The following C6orf89 variants were observed in gnomAD, a reference collection of about 807,000 sequenced individuals.
C6orf89 encodes chromosome 6 open reading frame 89, also known as bombesin receptor-activated protein C6orf89.
In C6orf89, 29 loss-of-function variants were observed where a neutral mutation model predicts 40.7. That is an observed-to-expected ratio of 0.71 (90% CI 0.53 to 0.97). C6orf89 has a LOEUF of 0.97. C6orf89 is among the 50% of genes least tolerant of loss of function. C6orf89 has a pLI of 0.00. For missense variants in C6orf89, 392 were observed against 429.1 expected (o/e 0.91, Z 0.76); for synonymous variants, 165 against 152.2 (o/e 1.08, Z -0.62).
At chr6:36,903,816 C>T (rs1178549985) in intron 4 of C6orf89, among the ~76,000 whole-genome samples, 7 of 152,104 alleles carry the variant, frequency 4.6e-5, no homozygotes, top group Admixed American at 3.9e-4. Flanking sequence ...AGGAAGGGAA[C>T]ATTGTAAGAC....
At chr6:36,913,474 T>A (rs1345771266) in intron 4 of C6orf89, among the ~76,000 whole-genome samples, 1 of 152,210 alleles carries the variant, frequency 6.6e-6, no homozygotes, top group African/African-American at 2.4e-5. Flanking sequence ...CTGGCTCCCA[T>A]GTGTACTTGT....
At chr6:36,893,492 A>G (rs1761301061) in intron 1 of C6orf89, among the ~76,000 whole-genome samples, 1 of 152,208 alleles carries the variant, frequency 6.6e-6, no homozygotes. Context: ...AATGTGTCAT[A>G]ATCTCTCGGA....
chr6:36,902,108 A>C lies in C6orf89; in HGVS notation c.190-113A>C, dbSNP rs1052355941. The C allele has an allele frequency of 1.8e-5, 15 of 824,368 alleles. No individual in the cohort carries two copies. The African/African-American group carries it at 2.1e-4, about 11-fold the overall frequency. 51.1% of individuals were successfully genotyped at this position (824,368 alleles called of 1,614,324 possible). A position where few individuals can be genotyped will look rare whatever the true frequency, so the allele number is the denominator to read the frequency against. On this transcript the variant is annotated intron_variant, in intron 3 of 8. Transcript: ENST00000480824. ...AGTGGCTTGTTTATGAAAATGGATT[A>C]GTTCTTAAGGCACATTGGAAGTAGC...
chr6:36,911,466 G>T (rs1227709727), intron 4 of C6orf89, among the ~76,000 whole-genome samples: 1 of 151,944 alleles, frequency 6.6e-6, no homozygotes, highest in Non-Finnish European at 1.5e-5. Context: ...CTCCAGCCTG[G>T]GCGACAGAGC....
At chr6:36,920,046 A>C (rs1762461274) in intron 8 of C6orf89, among the ~76,000 whole-genome samples, 1 of 152,214 alleles carries the variant, frequency 6.6e-6, no homozygotes. Flanking sequence ...CCAAGGCCCC[A>C]CTGTCAGTCG....
intron 1 of C6orf89, among the ~76,000 whole-genome samples, chr6:36,889,274 C>G (rs1335992628): frequency 6.6e-6 from 1 of 152,090 alleles, no homozygotes; most frequent in Admixed American, 6.5e-5. Flanking sequence ...GTTTAGAAAG[C>G]CATTTGTGGC....
chr6:36,895,533 T>C (rs935471781), intron 2 of C6orf89, among the ~76,000 whole-genome samples: 1 of 152,194 alleles, frequency 6.6e-6, no homozygotes, highest in Non-Finnish European at 1.5e-5. Flanking sequence ...GCAGGTTTGT[T>C]AAAAAGGTAT....
At chr6:36,901,324 T>TTATTACTA (rs1561865541) in intron 3 of C6orf89, among the ~76,000 whole-genome samples, 4 of 26,972 alleles carry the variant, frequency 1.5e-4, no homozygotes, top group African/African-American at 9.3e-4. Flanking sequence ...TATTATTATT[T>TTATTACTA]TTTTTTTTTT....
At chr6:36,889,198 C>T (rs1775102045) in intron 1 of C6orf89, among the ~76,000 whole-genome samples, 1 of 152,238 alleles carries the variant, frequency 6.6e-6, no homozygotes, top group African/African-American at 2.4e-5. Context: ...AATGGGGTAG[C>T]AACAGCAGCT....
At chr6:36,893,083 C>T (rs562437960) in intron 1 of C6orf89, among the ~76,000 whole-genome samples, 2 of 151,632 alleles carry the variant, frequency 1.3e-5, no homozygotes, top group Non-Finnish European at 2.9e-5. Context: ...TACAGGCCTC[C>T]GCCACCGCGC....
intron 3 of C6orf89, among the ~76,000 whole-genome samples, chr6:36,900,540 C>T (rs1761636561): frequency 6.6e-6 from 1 of 151,994 alleles, no homozygotes; most frequent in African/African-American, 2.4e-5. Context: ...CACTGTGTTG[C>T]CCAGGCTGGA....
Position 36,924,238 on chromosome 6 carries a change from G to A in C6orf89, c.*797G>A, listed in dbSNP as rs1762610207. ...GCCAGAGCCCACTACTGCTGAGGCA[G>A]CACTGCTCTCGTCAGCTGTGTTGCC... is the stretch of plus-strand genomic sequence containing the variant. On this transcript the variant is annotated 3_prime_UTR_variant, in exon 9 of 9. Transcript: ENST00000480824. 2.0e-5 allele frequency: 3 copies of A among 153,654 alleles called. No homozygotes were observed. The highest frequency in any genetic ancestry group is 1.3e-4 in the Admixed American group (2 of 15,556). 9.5% of individuals were successfully genotyped at this position (153,654 alleles called of 1,614,324 possible).
chr6:36,875,164 G>C (rs1166290824), intron 1 of C6orf89: 2 of 237,516 alleles, frequency 8.4e-6, no homozygotes, highest in African/African-American at 4.7e-5. Flanking sequence ...GGACGGGAAG[G>C]GGAGGCAGAG....
intron 4 of C6orf89, among the ~76,000 whole-genome samples, chr6:36,905,582 C>T (rs1401296123): frequency 6.6e-6 from 1 of 152,150 alleles, no homozygotes; most frequent in Non-Finnish European, 1.5e-5. Context: ...ACATTCAGCC[C>T]AGTTCATCCT....
At chr6:36,896,373 C>G (rs757801236) in intron 2 of C6orf89, among the ~76,000 whole-genome samples, 2 of 152,214 alleles carry the variant, frequency 1.3e-5, no homozygotes, top group Non-Finnish European at 2.9e-5. Flanking sequence ...TTCCAAAGCG[C>G]TGGGATTACA....
At chr6:36,897,300 A>G (rs1355412248) in intron 2 of C6orf89, among the ~76,000 whole-genome samples, 1 of 152,172 alleles carries the variant, frequency 6.6e-6, no homozygotes, top group Non-Finnish European at 1.5e-5. Flanking sequence ...ATACACCCAA[A>G]TCCTTGCATA....
rs113601579 is a variant in C6orf89, at chr6:36,904,218, G to A, written c.403+1784G>A. Among the ~76,000 whole-genome samples, 169 of 152,294 alleles carry A rather than the reference G, an allele frequency of 1.1e-3. 2 individuals carry two copies. In the East Asian group the frequency reaches 0.018, roughly 16 times the overall value. ...CGGTTGAACTGAGAAATGGGGCATC[G>A]TCAATGAACACTGCTCGCTTCTTCT... On this transcript the variant is annotated intron_variant, in intron 4 of 8. Coordinates refer to ENST00000480824, the MANE Select transcript of C6orf89 (RefSeq NM_001286635.2).
At chr6:36,904,275 T>C (rs1428396629) in intron 4 of C6orf89, among the ~76,000 whole-genome samples, 1 of 152,240 alleles carries the variant, frequency 6.6e-6, no homozygotes, top group African/African-American at 2.4e-5. Context: ...CCAGAAACAT[T>C]AGTGTCTTGT....
intron 4 of C6orf89, among the ~76,000 whole-genome samples, chr6:36,910,128 C>G (rs1762073628): frequency 6.6e-6 from 1 of 151,570 alleles, no homozygotes; most frequent in Non-Finnish European, 1.5e-5. Context: ...AGTAGTTCCT[C>G]TAGCTTTTTT....
Sources: allele counts gnomAD v4.1 joint callset (sites outside exome capture counted in the v4.1 genomes callset), GRCh38; gene constraint gnomAD v4.1.1; transcripts MANE v1.5; gene names NCBI Gene and HGNC (gene_info 2026-07-23, HGNC 2026-07-21).